Variants in APBB2 observed in about 807,000 individuals in gnomAD.
The protein encoded by APBB2 is Fe65-like 1.
In APBB2, 38 loss-of-function variants were observed where a neutral mutation model predicts 82.5. The observed-to-expected ratio is 0.46, with a 90% confidence interval of 0.36 to 0.60. The LOEUF (loss-of-function observed/expected upper bound fraction) is 0.60. Among genes scored for constraint, APBB2 ranks in the 20% least tolerant of loss-of-function variants. The pLI, the probability that APBB2 is intolerant of heterozygous loss-of-function variation, is 0.00. For missense variants in APBB2, 772 were observed against 972.3 expected (o/e 0.79, Z 2.74); for synonymous variants, 341 against 368.2 (o/e 0.93, Z 0.85).
At chr4:41,034,215 C>T (rs1031427630) in intron 4 of APBB2, among the ~76,000 whole-genome samples, 4 of 150,290 alleles carry the variant, frequency 2.7e-5, no homozygotes, top group African/African-American at 9.6e-5. Flanking sequence ...CCTAGATGTT[C>T]TTCAGTGCAC....
At chr4:40,862,150 C>T (rs1020392238) in intron 12 of APBB2, among the ~76,000 whole-genome samples, 17 of 152,178 alleles carry the variant, frequency 1.1e-4, no homozygotes, top group South Asian at 4.1e-4. Flanking sequence ...TAACGTGCAA[C>T]AGCCATAATC....
intron 6 of APBB2, among the ~76,000 whole-genome samples, chr4:40,959,285 T>G (rs932708639): frequency 6.6e-6 from 1 of 152,202 alleles, no homozygotes; most frequent in Non-Finnish European, 1.5e-5. Context: ...GCATGAATCT[T>G]TCTTTGGCTT....
chr4:40,991,155 TTG>T lies in APBB2; in HGVS notation c.835+22426_835+22427del, dbSNP rs200481680. Among the ~76,000 whole-genome samples, 1,472 of 148,948 alleles carry T rather than the reference TTG, an allele frequency of 9.9e-3. 14 individuals carry two copies. Among genetic ancestry groups the T allele is most frequent in the Non-Finnish European group, 0.016 (1,063 of 67,316 alleles). On this transcript the variant is annotated intron_variant, in intron 6 of 17. Transcript: ENST00000508593. ...GTGCCACTACGCATGGCTAATTTTG[TTG>T]TGTGTGTGTGTGTTTTGCTTTTTTT...
intron 13 of APBB2, among the ~76,000 whole-genome samples, chr4:40,828,223 G>C (rs1264981008): frequency 1.3e-5 from 2 of 152,162 alleles, no homozygotes; most frequent in Non-Finnish European, 2.9e-5. Context: ...GCTCTAAATT[G>C]CTTCTCTTCT....
intron 3 of APBB2, among the ~76,000 whole-genome samples, chr4:41,100,216 C>T (rs749301140): frequency 2.0e-5 from 3 of 152,118 alleles, no homozygotes; most frequent in Non-Finnish European, 4.4e-5. Context: ...AGAAAAGAAC[C>T]AAGTCGATTT....
rs1346432169 is a variant in APBB2, at chr4:41,100,761, T to G, written c.-260-11A>C. ...CCCAAAGAGATCGATCTAGAAAGTG[T>G]GTAGAGACAAAAATTTTAAATTCAA... On this transcript the variant is annotated splice_polypyrimidine_tract_variant and intron_variant, in intron 2 of 17. Transcript: ENST00000508593. 6.6e-6 allele frequency: 1 copy of G among 152,144 alleles called. No homozygotes were observed. Among genetic ancestry groups the G allele is most frequent in the East Asian group, 1.9e-4 (1 of 5,202 alleles). 9.4% of individuals were successfully genotyped at this position (152,144 alleles called of 1,614,324 possible). A position where few individuals can be genotyped will look rare whatever the true frequency, so the allele number is the denominator to read the frequency against.
chr4:41,033,755 A>G lies in APBB2; in HGVS notation c.-50-451T>C, dbSNP rs374714913. Among the ~76,000 whole-genome samples, 36 of 152,316 alleles carry G rather than the reference A, an allele frequency of 2.4e-4. No individual in the cohort carries two copies. In the East Asian group the frequency reaches 6.9e-3, roughly 29 times the overall value. ...AGACTGAAGAAAAAATTACCACCACAGATGACATAAAAGGGCTAATTTCCT... is the reference window on the plus strand; with the variant it reads ...AGACTGAAGAAAAAATTACCACCACGGATGACATAAAAGGGCTAATTTCCT... On this transcript the variant is annotated intron_variant, in intron 4 of 17. Transcript: ENST00000508593.
At chr4:41,067,374 A>G (rs1048847732) in intron 3 of APBB2, among the ~76,000 whole-genome samples, 8 of 151,732 alleles carry the variant, frequency 5.3e-5, no homozygotes, top group Admixed American at 5.3e-4. Context: ...GTGCCATTGC[A>G]TACTCCAGCC....
In APBB2 at chr4:41,000,353, G is replaced by A. The variant is rs190896594; in HGVS notation, c.835+13230C>T. 2.0e-5 allele frequency among the ~76,000 whole-genome samples: 3 copies of A among 152,254 alleles called. No individual in the cohort carries two copies. The East Asian group carries it at 5.8e-4, about 29-fold the overall frequency. Reference sequence around the variant, plus strand: ...ACTTTCCTTCTCCTAGGAGAAATAAGGCAGTAATTCTAGTGACAGCTAACA... The same window carrying A: ...ACTTTCCTTCTCCTAGGAGAAATAAAGCAGTAATTCTAGTGACAGCTAACA... On this transcript the variant is annotated intron_variant, in intron 6 of 17. Coordinates refer to ENST00000508593, the MANE Select transcript of APBB2 (RefSeq NM_004307.2).
chr4:41,062,157 C>CTTATTTATTTATTTAT (rs139030241), intron 4 of APBB2, among the ~76,000 whole-genome samples: 118 of 149,374 alleles, frequency 7.9e-4, no homozygotes, highest in African/African-American at 1.4e-3. Flanking sequence ...ACAAGCAAAT[C>CTTATTTATTTATTTAT]TTATTTATTT....
At chr4:40,833,917 G>C (rs569593231) in intron 12 of APBB2, among the ~76,000 whole-genome samples, 20 of 152,280 alleles carry the variant, frequency 1.3e-4, no homozygotes, top group African/African-American at 4.3e-4. Context: ...ATCGAACTTC[G>C]GCTTTGTGCC....
chr4:40,840,848 G>A (rs1430162007), intron 12 of APBB2, among the ~76,000 whole-genome samples: 5 of 152,096 alleles, frequency 3.3e-5, no homozygotes, highest in East Asian at 1.9e-4. Flanking sequence ...GCCTCCCAGC[G>A]AGGACACTCA....
intron 6 of APBB2, among the ~76,000 whole-genome samples, chr4:40,947,420 C>T (rs1788754226): frequency 6.6e-6 from 1 of 152,170 alleles, no homozygotes; most frequent in Non-Finnish European, 1.5e-5. Flanking sequence ...TAGCTACATA[C>T]ATTATCAAAA....
At chr4:41,026,699 A>G (rs1000488062) in intron 5 of APBB2, among the ~76,000 whole-genome samples, 3 of 152,168 alleles carry the variant, frequency 2.0e-5, no homozygotes, top group African/African-American at 7.2e-5. Context: ...ATTTCATTGT[A>G]TGGCTATACT....
At chr4:41,156,475 C>T (rs866528572) in intron 1 of APBB2, among the ~76,000 whole-genome samples, 1 of 152,180 alleles carries the variant, frequency 6.6e-6, no homozygotes, top group Non-Finnish European at 1.5e-5. Context: ...TTCATTCACT[C>T]ATTCATTTCT....
intron 6 of APBB2, among the ~76,000 whole-genome samples, chr4:40,967,599 C>A (rs980876818): frequency 1.3e-5 from 2 of 152,206 alleles, no homozygotes; most frequent in Non-Finnish European, 2.9e-5. Context: ...GCCTGCCCCA[C>A]CACAGCTAGG....
intron 6 of APBB2, among the ~76,000 whole-genome samples, chr4:41,007,271 A>G (rs962735243): frequency 1.3e-5 from 2 of 151,856 alleles, no homozygotes; most frequent in African/African-American, 4.8e-5. Context: ...CCCTCTGGCC[A>G]TGTGATATCC....
chr4:41,041,006 G>A (rs745911231), intron 4 of APBB2, among the ~76,000 whole-genome samples: 18 of 151,922 alleles, frequency 1.2e-4, no homozygotes, highest in Non-Finnish European at 2.2e-4. Context: ...TCAGCCTCTC[G>A]AGCAGCTGGG....
chr4:40,945,348 G>A (rs977569304), intron 6 of APBB2, among the ~76,000 whole-genome samples: 5 of 152,272 alleles, frequency 3.3e-5, no homozygotes, highest in African/African-American at 1.2e-4. Flanking sequence ...ATAGCTCTAA[G>A]AACCCTATGA....
Sources: allele counts gnomAD v4.1 joint callset (sites outside exome capture counted in the v4.1 genomes callset), GRCh38; gene constraint gnomAD v4.1.1; transcripts MANE v1.5; gene names NCBI Gene and HGNC (gene_info 2026-07-23, HGNC 2026-07-21).